Variants in DLG2 observed in about 807,000 individuals in gnomAD.
The protein encoded by DLG2 is disks large homolog 2.
DLG2 carries 45 observed loss-of-function variants against 132.5 expected under a neutral mutation model. That is an observed-to-expected ratio of 0.34 (90% CI 0.27 to 0.44). The LOEUF is 0.44. Among genes scored for constraint, DLG2 ranks in the 20% least tolerant of loss-of-function variants. The pLI is 1.00. For synonymous variants in DLG2, 424 were observed against 419.6 expected (o/e 1.01, Z -0.13); for missense variants, 1,045 against 1,196.9 (o/e 0.87, Z 1.87).
intron 4 of DLG2, among the ~76,000 whole-genome samples, chr11:85,238,878 C>A (rs1231821010): frequency 6.6e-6 from 1 of 150,852 alleles, no homozygotes; most frequent in Non-Finnish European, 1.5e-5. Flanking sequence ...ATTCATTTAT[C>A]TTGCAGTGGC....
At chr11:84,120,515 G>A (rs1037950361) in intron 9 of DLG2, among the ~76,000 whole-genome samples, 5 of 152,140 alleles carry the variant, frequency 3.3e-5, no homozygotes, top group Admixed American at 6.5e-5. Context: ...AAAATAAAGC[G>A]GGGAAAAAGC....
chr11:85,460,123 G>A (rs2092558522), intron 3 of DLG2, among the ~76,000 whole-genome samples: 1 of 152,148 alleles, frequency 6.6e-6, no homozygotes, highest in Non-Finnish European at 1.5e-5. Context: ...CAGACCACTG[G>A]GCCTCATCCT....
At chr11:84,054,496 T>C (rs2096462948) in intron 11 of DLG2, among the ~76,000 whole-genome samples, 1 of 152,042 alleles carries the variant, frequency 6.6e-6, no homozygotes, top group Non-Finnish European at 1.5e-5. Flanking sequence ...GTGCTTACAA[T>C]GACCAAATCT....
At chr11:84,670,431 C>T (rs76644831) in intron 6 of DLG2, among the ~76,000 whole-genome samples, 11,837 of 152,074 alleles carry the variant, frequency 0.078, 594 homozygotes, top group Non-Finnish European at 0.12. Flanking sequence ...TGATATGTTG[C>T]CTCTGCCCAG....
chr11:83,692,812 T>C (rs1290119523), intron 18 of DLG2: 3 of 152,208 alleles, frequency 2.0e-5, no homozygotes, highest in African/African-American at 7.2e-5. Flanking sequence ...AAATTAGGTG[T>C]GGCCATGTGT....
rs560069298 is a variant in DLG2, at chr11:84,661,717, G to A, written c.358-126986C>T. The stretch of plus-strand genomic sequence containing the variant: ...AGTCAGGTGGGGGAAATGGTGTTGA[G>A]GGAGGGAGATTCAGAGATTCAGAGA... On this transcript the variant is annotated intron_variant, in intron 6 of 27. Transcript: ENST00000376104. Among the ~76,000 whole-genome samples, 17 of 152,234 alleles carry A rather than the reference G, an allele frequency of 1.1e-4. 1 individual carries two copies. In the South Asian group the frequency reaches 3.5e-3, roughly 32 times the overall value.
At chr11:83,866,670 T>A (rs1005657664) in intron 16 of DLG2, among the ~76,000 whole-genome samples, 5 of 152,160 alleles carry the variant, frequency 3.3e-5, no homozygotes, top group South Asian at 2.1e-4. Flanking sequence ...ATTAAAACTT[T>A]AAAAGGTTTT....
chr11:83,757,687 G>A (rs1053199598), intron 18 of DLG2, among the ~76,000 whole-genome samples: 1 of 152,140 alleles, frequency 6.6e-6, no homozygotes, highest in African/African-American at 2.4e-5. Flanking sequence ...GAGATGGCTT[G>A]ATGAAGGGGG....
At chr11:83,688,142 CAATT>C (rs1220285014) in intron 18 of DLG2, among the ~76,000 whole-genome samples, 14 of 152,290 alleles carry the variant, frequency 9.2e-5, no homozygotes, top group Admixed American at 2.0e-4. Context: ...GTCACAATCT[CAATT>C]AATTACCACG....
At chr11:83,770,147 T>C (rs1326913501) in intron 18 of DLG2, among the ~76,000 whole-genome samples, 1 of 152,162 alleles carries the variant, frequency 6.6e-6, no homozygotes, top group Non-Finnish European at 1.5e-5. Flanking sequence ...CTCATCTTGC[T>C]CTTTCCCCTG....
chr11:84,639,747 C>T (rs1023594327), intron 6 of DLG2, among the ~76,000 whole-genome samples: 2 of 152,056 alleles, frequency 1.3e-5, no homozygotes, highest in Admixed American at 6.6e-5. Flanking sequence ...AATGCTCCCT[C>T]CCAGGGTCAT....
At chr11:85,161,537 C>T (rs555519882) in intron 4 of DLG2, among the ~76,000 whole-genome samples, 6 of 152,316 alleles carry the variant, frequency 3.9e-5, no homozygotes, top group Admixed American at 6.5e-5. Flanking sequence ...ACAGTTACTC[C>T]GGATATGGGT....
At chr11:84,671,347 C>T (rs1345108059) in intron 6 of DLG2, among the ~76,000 whole-genome samples, 5 of 152,074 alleles carry the variant, frequency 3.3e-5, no homozygotes, top group Non-Finnish European at 5.9e-5. Context: ...AGGCAGTCAT[C>T]TCATCTAGGC....
At chr11:83,503,369 TTATATATATATA>T (rs34969401) in intron 21 of DLG2, among the ~76,000 whole-genome samples, 1,253 of 90,636 alleles carry the variant, frequency 0.014, 72 homozygotes, top group South Asian at 0.055. Flanking sequence ...ACACACCCAT[TTATATATATATA>T]TATATATATA....
chr11:85,424,315 T>C (rs1441659423), intron 3 of DLG2, among the ~76,000 whole-genome samples: 4 of 152,156 alleles, frequency 2.6e-5, no homozygotes, highest in African/African-American at 9.7e-5. Context: ...GATCTGTGGG[T>C]TCTCTCAGGT....
chr11:85,189,619 G>A (rs770289247), intron 4 of DLG2, among the ~76,000 whole-genome samples: 5 of 152,168 alleles, frequency 3.3e-5, no homozygotes, highest in Non-Finnish European at 7.4e-5. Flanking sequence ...TAGAGAGTTA[G>A]CAAAAGGAAA....
At chr11:83,922,260 C>G (rs922591089) in intron 15 of DLG2, among the ~76,000 whole-genome samples, 2 of 152,074 alleles carry the variant, frequency 1.3e-5, no homozygotes, top group African/African-American at 4.8e-5. Context: ...CATGTAAACC[C>G]TTTCACAGAT....
rs567829145 is a variant in DLG2, at chr11:85,053,487, G to A, written c.357+58174C>T. 9.9e-5 allele frequency among the ~76,000 whole-genome samples: 15 copies of A among 151,874 alleles called. No individual in the cohort carries two copies. In the South Asian group the frequency reaches 2.9e-3, roughly 30 times the overall value. On this transcript the variant is annotated intron_variant, in intron 6 of 27. Coordinates refer to ENST00000376104, the MANE Select transcript of DLG2 (RefSeq NM_001142699.3). ...TAATCTCTTAAAACCTGGCAGACAG[G>A]AAAAAATATAGTGAGTACAGGCCGG... is the stretch of plus-strand genomic sequence containing the variant.
chr11:83,833,049 G>C (rs1262122892), intron 17 of DLG2, among the ~76,000 whole-genome samples: 1 of 152,168 alleles, frequency 6.6e-6, no homozygotes, highest in Non-Finnish European at 1.5e-5. Context: ...GGATGCAAAT[G>C]TGTCTCAGAA....
Sources: gnomAD v4.1 joint callset for allele counts (sites outside exome capture counted in the v4.1 genomes callset) on GRCh38, gnomAD v4.1.1 for gene constraint, MANE v1.5 for transcripts, NCBI Gene and HGNC (gene_info 2026-07-23, HGNC 2026-07-21) for gene names.